SLC19A3: variants seen among roughly 807,000 people sequenced by gnomAD.
SLC19A3 encodes thiamine transporter 2.
A neutral mutation model predicts 40.2 loss-of-function variants in SLC19A3; 31 were observed. That is an observed-to-expected ratio of 0.77 (90% CI 0.58 to 1.04). The LOEUF is 1.04. Ranked by LOEUF, SLC19A3 falls within the 50% of genes least tolerant of loss-of-function variation. The probability of loss-of-function intolerance (pLI) is 0.00; values close to 1 mark genes in which losing one functional copy is unlikely to be tolerated. For missense variants in SLC19A3, 592 were observed against 596.7 expected (o/e 0.99, Z 0.08); for synonymous variants, 212 against 227.5 (o/e 0.93, Z 0.61).
intron 4 of SLC19A3, among the ~76,000 whole-genome samples, chr2:227,693,770 C>A (rs1188128121): frequency 6.6e-6 from 1 of 152,004 alleles, no homozygotes. Context: ...TCCTGCACAG[C>A]CAAGGAAAGA....
chr2:227,714,131 A>T (rs1426770823), intron 1 of SLC19A3, among the ~76,000 whole-genome samples: 1 of 152,182 alleles, frequency 6.6e-6, no homozygotes, highest in African/African-American at 2.4e-5. Flanking sequence ...CCTCAACTTA[A>T]AGAAATGCAT....
At chr2:227,696,206 T>C in intron 3 of SLC19A3, 125 bp from the exon 4 acceptor site, 1 of 881,126 alleles carries the variant, frequency 1.1e-6, no homozygotes. Context: ...TTCACAAAAT[T>C]GTGTGATCGA....
At chr2:227,690,919 G>A (rs951609583) in intron 4 of SLC19A3, among the ~76,000 whole-genome samples, 2 of 151,866 alleles carry the variant, frequency 1.3e-5, no homozygotes, top group Non-Finnish European at 1.5e-5. Context: ...TAGAAAAAAT[G>A]GACCTAATAG....
chr2:227,707,265 C>G (rs1695979925), intron 1 of SLC19A3, among the ~76,000 whole-genome samples: 1 of 152,164 alleles, frequency 6.6e-6, no homozygotes, highest in Non-Finnish European at 1.5e-5. Context: ...CTGATGGGTT[C>G]CTTTCTTCTT....
At position 227,699,331 on chromosome 2, in the gene SLC19A3, G is replaced by A. The variant is rs746490830; in HGVS notation, c.384C>T (p.Tyr128=). Residue 128 remains tyrosine (Y), a synonymous_variant, in exon 3 of 6, where the codon TAC becomes TAT. Coordinates refer to ENST00000644224, the MANE Select transcript of SLC19A3 (RefSeq NM_025243.4). ...GGTAGTGCTCGGGGCTGACCACGCT[G>A]TATATGTAGGCGTAGTAGGCCACCT... ...AAEVAYYAYI[Y]SVVSPEHYQR... The A allele has an allele frequency of 1.9e-6, 3 of 1,614,154 alleles. No individual in the cohort carries two copies. The highest frequency in any genetic ancestry group is 1.7e-6 in the Non-Finnish European group (2 of 1,180,032).
At position 227,686,442 on chromosome 2, in the gene SLC19A3, C is replaced by A. The variant is rs555222181; in HGVS notation, c.*955G>T. Reference sequence around the variant, plus strand: ...CAACCCATCCTCCCACCATGGCCTCCCAAGTAGCTGAGACTACAGGCACAC... The same window carrying A: ...CAACCCATCCTCCCACCATGGCCTCACAAGTAGCTGAGACTACAGGCACAC... On this transcript the variant is annotated 3_prime_UTR_variant, in exon 6 of 6. Coordinates refer to ENST00000644224, the MANE Select transcript of SLC19A3 (RefSeq NM_025243.4). The A allele has an allele frequency of 1.3e-5, 2 of 156,548 alleles. No homozygotes were observed. The highest frequency in any genetic ancestry group is 3.8e-4 in the East Asian group (2 of 5,204). 9.7% of individuals were successfully genotyped at this position (156,548 alleles called of 1,614,324 possible).
intron 2 of SLC19A3, chr2:227,701,303 T>G (rs192672775): frequency 2.0e-5 from 5 of 247,900 alleles, no homozygotes. Context: ...GTTAGGTCAG[T>G]GCATTTTCTT....
chr2:227,686,052 C>T lies in SLC19A3; in HGVS notation c.*1345G>A, dbSNP rs950628098. On this transcript the variant is annotated 3_prime_UTR_variant, in exon 6 of 6. Transcript: ENST00000644224. ...TCTCCACTAAAAATACAAAAATTAG[C>T]CAGGCGTGGTGGTGTGCACCCATAG... The T allele has an allele frequency of 1.2e-4, 41 of 335,818 alleles. No homozygotes were observed. Among genetic ancestry groups the T allele is most frequent in the Admixed American group, 2.6e-4 (7 of 26,546 alleles). 20.8% of individuals were successfully genotyped at this position (335,818 alleles called of 1,614,324 possible).
At chr2:227,700,592 A>G (rs1343348816) in intron 2 of SLC19A3, among the ~76,000 whole-genome samples, 1 of 152,194 alleles carries the variant, frequency 6.6e-6, no homozygotes, top group Non-Finnish European at 1.5e-5. Context: ...ATCTATCACT[A>G]CATCAAATAT....
chr2:227,695,926 A>G lies in SLC19A3; in HGVS notation c.1135T>C (p.Phe379Leu). The G allele has an allele frequency of 6.2e-7, 1 of 1,614,212 alleles. No individual in the cohort carries two copies. The highest frequency in any genetic ancestry group is 8.5e-7 in the Non-Finnish European group (1 of 1,180,040). The stretch of plus-strand genomic sequence containing the variant: ...ATAAGAAGCATATAGCTGGACTTGA[A>G]TATCAAATAGCCAGCATAGCACGCC... The part of the protein sequence containing the change: ...IWACYAGYLI[F>L]KSSYMLLITI... The change falls in exon 4 of 6, where the codon TTC (phenylalanine) becomes CTC (leucine). Residue 379 changes from phenylalanine (F) to leucine (L), a missense_variant. By Grantham distance (22) the Phe-to-Leu change is conservative (BLOSUM62 0). Coordinates refer to ENST00000644224, the MANE Select transcript of SLC19A3 (RefSeq NM_025243.4).
chr2:227,698,715 G>C (rs750772335), intron 3 of SLC19A3, 21 bp downstream of exon 3: 1 of 1,601,210 alleles, frequency 6.2e-7, no homozygotes, highest in African/African-American at 1.3e-5. Context: ...AACAAAGGAA[G>C]ATTAAGTGAC....
rs1695727249 is a variant in SLC19A3 at position 227,702,260 on chromosome 2, C to T, written c.59G>A (p.Cys20Tyr). The T allele has an allele frequency of 2.5e-6, 4 of 1,613,902 alleles. No homozygotes were observed. The highest frequency in any genetic ancestry group is 3.4e-6 in the Non-Finnish European group (4 of 1,179,862). The change falls in exon 2 of 6, where the codon TGC becomes TAC. Residue 20 changes from cysteine (C) to tyrosine (Y), a missense_variant. By Grantham distance (194) the Cys-to-Tyr change is radical. Transcript: ENST00000644224. ...SSWIYPTVIL[C>Y]LFGFFSMMRP... ...CATCATGGAGAAAAAACCAAATAAG[C>T]AGAGGATCACAGTGGGGTAAATCCA... is the stretch of plus-strand genomic sequence containing the variant.
chr2:227,710,017 C>T (rs1408872877), intron 1 of SLC19A3, among the ~76,000 whole-genome samples: 2 of 152,062 alleles, frequency 1.3e-5, no homozygotes, highest in Non-Finnish European at 1.5e-5. Flanking sequence ...ACAAGGAGCT[C>T]GTAACCTAGA....
At chr2:227,713,827 C>T (rs780018909) in intron 1 of SLC19A3, among the ~76,000 whole-genome samples, 2 of 151,286 alleles carry the variant, frequency 1.3e-5, no homozygotes, top group African/African-American at 2.4e-5. Flanking sequence ...ATCACTGATA[C>T]ACGGAAGAAA....
chr2:227,709,468 A>G (rs747556542), intron 1 of SLC19A3, among the ~76,000 whole-genome samples: 8 of 152,192 alleles, frequency 5.3e-5, no homozygotes, highest in Non-Finnish European at 1.0e-4. Context: ...TGGGTGACAG[A>G]GCGAGACTCT....
At chr2:227,695,714 T>G in intron 4 of SLC19A3, 175 bp downstream of exon 4, 2 of 660,784 alleles carry the variant, frequency 3.0e-6, no homozygotes, top group Non-Finnish European at 5.3e-6. Flanking sequence ...GTAGCAATAT[T>G]CAGAGAGCAA....
chr2:227,703,680 T>C lies in SLC19A3; in HGVS notation c.-2-1360A>G, dbSNP rs1402324622. On this transcript the variant is annotated intron_variant, in intron 1 of 5. Transcript: ENST00000644224. This position sits in a 1 kb window ranked among gnomAD's most constrained non-coding sequence, Gnocchi z 4.7. ...GTTTGCTGGTGCTTTCTGTCTTCGT[T>C]GTTAATGATCTTATAGAAATGGCTG... Among the ~76,000 whole-genome samples the C allele has an allele frequency of 2.6e-5, 4 of 152,180 alleles. No homozygotes were observed. The highest frequency in any genetic ancestry group is 4.8e-5 in the African/African-American group (2 of 41,450).
rs1266377369 is a variant in SLC19A3, at chr2:227,684,166, C to T, written c.*3231G>A. The T allele has an allele frequency of 6.6e-6, 1 of 152,190 alleles. No homozygotes were observed. The highest frequency in any genetic ancestry group is 1.9e-4 in the East Asian group (1 of 5,200). The allele number at this position is 152,190 out of a possible 1,614,324, so 9.4% of individuals were successfully genotyped here. A position where few individuals can be genotyped will look rare whatever the true frequency, so the allele number is the denominator to read the frequency against. ...TACAGATATTTTTGTCCTTTTTATA[C>T]AAATGCTGAGTTGCTGCGTTCATTA... is the stretch of plus-strand genomic sequence containing the variant. On this transcript the variant is annotated 3_prime_UTR_variant, in exon 6 of 6. Transcript: ENST00000644224.
chr2:227,698,042 G>A (rs1391816312), intron 3 of SLC19A3, among the ~76,000 whole-genome samples: 4 of 152,056 alleles, frequency 2.6e-5, no homozygotes, highest in African/African-American at 9.7e-5. Context: ...TCGCACCACT[G>A]CATTCCAGCT....
Sources: allele counts gnomAD v4.1 joint callset (sites outside exome capture counted in the v4.1 genomes callset), GRCh38; gene constraint gnomAD v4.1.1; non-coding constraint Gnocchi (gnomAD v3.1); transcripts MANE v1.5; gene names NCBI Gene and HGNC (gene_info 2026-07-23, HGNC 2026-07-21).